The following OSBPL6 variants were observed in gnomAD, a reference collection of about 807,000 sequenced individuals.
OSBPL6 encodes oxysterol binding protein like 6.
OSBPL6 carries 49 observed loss-of-function variants against 125.8 expected under a neutral mutation model. That is an observed-to-expected ratio of 0.39 (90% CI 0.31 to 0.49). OSBPL6 has a LOEUF of 0.49. Ranked by LOEUF, OSBPL6 falls within the 20% of genes least tolerant of loss-of-function variation. The probability of loss-of-function intolerance (pLI) is 0.88; values close to 1 mark genes in which losing one functional copy is unlikely to be tolerated. For synonymous variants in OSBPL6, 394 were observed against 391.8 expected (o/e 1.01, Z -0.07); for missense variants, 986 against 1,135.4 (o/e 0.87, Z 1.89).
intron 9 of OSBPL6, 84 bp downstream of exon 9, chr2:178,336,517 A>G (rs1689698997): frequency 2.0e-6 from 3 of 1,482,218 alleles, no homozygotes; most frequent in East Asian, 2.3e-5. Flanking sequence ...TGAGTGCTAC[A>G]TCTTTTACCC....
At chr2:178,291,019 A>G (rs1685206056) in intron 2 of OSBPL6, among the ~76,000 whole-genome samples, 1 of 152,146 alleles carries the variant, frequency 6.6e-6, no homozygotes, top group Admixed American at 6.5e-5. Flanking sequence ...AATAGTTTCA[A>G]ATTAATAATT....
chr2:178,281,427 G>A (rs534636302), intron 1 of OSBPL6, among the ~76,000 whole-genome samples: 8 of 152,214 alleles, frequency 5.3e-5, no homozygotes, highest in African/African-American at 1.9e-4. Flanking sequence ...TCTTTAATCT[G>A]CCTTGAGTTA....
chr2:178,314,349 TC>T (rs1475475883), intron 3 of OSBPL6, among the ~76,000 whole-genome samples: 1 of 152,232 alleles, frequency 6.6e-6, no homozygotes, highest in Non-Finnish European at 1.5e-5. Flanking sequence ...TGTGTAGAAT[TC>T]CACTGGACCC....
At chr2:178,224,018 C>A (rs1014295862) in intron 1 of OSBPL6, among the ~76,000 whole-genome samples, 1 of 152,186 alleles carries the variant, frequency 6.6e-6, no homozygotes, top group African/African-American at 2.4e-5. Flanking sequence ...TAATCAAATG[C>A]CCCAAGGATA....
chr2:178,271,512 C>G (rs1479539156), intron 1 of OSBPL6, among the ~76,000 whole-genome samples: 1 of 152,102 alleles, frequency 6.6e-6, no homozygotes, highest in Non-Finnish European at 1.5e-5. Flanking sequence ...AAGAGAAATT[C>G]AGCCAGGGTT....
At position 178,285,067 on chromosome 2, in the gene OSBPL6, T is replaced by C. The variant is rs1684569868; in HGVS notation, c.-210T>C. 2.5e-6 allele frequency: 1 copy of C among 398,494 alleles called. No individual in the cohort carries two copies. The highest frequency in any genetic ancestry group is 4.4e-6 in the Non-Finnish European group (1 of 225,980). The allele number at this position is 398,494 out of a possible 1,614,324, so 24.7% of individuals were successfully genotyped here. A position where few individuals can be genotyped will look rare whatever the true frequency, so the allele number is the denominator to read the frequency against. On this transcript the variant is annotated 5_prime_UTR_variant, in exon 2 of 25. It removes the in-frame stop codon of an upstream open reading frame in the 5' UTR. Transcript: ENST00000190611. The stretch of plus-strand genomic sequence containing the variant: ...GCAGGCATCTGAGGATAAATCACTG[T>C]GAAACAGCTTTGACCATAAAGCTGA...
intron 1 of OSBPL6, among the ~76,000 whole-genome samples, chr2:178,264,941 A>G (rs138552116): frequency 2.6e-4 from 39 of 151,812 alleles, no homozygotes; most frequent in African/African-American, 8.9e-4. Flanking sequence ...CTAGAGTGCA[A>G]TGGTGTGGTG....
intron 1 of OSBPL6, among the ~76,000 whole-genome samples, chr2:178,199,329 TC>T: frequency 6.6e-6 from 1 of 152,310 alleles, no homozygotes; most frequent in Admixed American, 6.5e-5. Flanking sequence ...CCTCTTCTCT[TC>T]CCCCTTAAAC....
In OSBPL6 at chr2:178,367,829, G is replaced by A. The variant is rs189505896; in HGVS notation, c.1288-4297G>A. ...TGAGAATATGCATAAAACCTGCTGC[G>A]TGAAGAATCTGTGCCCAGTTCCTGG... On this transcript the variant is annotated intron_variant, in intron 13 of 24. Transcript: ENST00000190611. Among the ~76,000 whole-genome samples the A allele has an allele frequency of 1.6e-4, 25 of 152,326 alleles. 1 individual carries two copies. The highest frequency in any genetic ancestry group is 1.4e-3 in the Admixed American group (22 of 15,300).
At position 178,349,250 on chromosome 2, in the gene OSBPL6, A is replaced by G; in HGVS notation, c.1014A>G (p.Pro338=). The G allele has an allele frequency of 2.4e-5, 38 of 1,614,162 alleles. No homozygotes were observed. The highest frequency in any genetic ancestry group is 3.2e-5 in the Non-Finnish European group (38 of 1,180,004). ...TTCCTTTCAGTGCTACCATGTCACC[A>G]GTTCGCTTGCATTCCTCCAACCCCA... The part of the protein sequence containing the change: ...LQVPFSATMS[P]VRLHSSNPNL... The change falls in exon 12 of 25, where the codon CCA becomes CCG. Residue 338 remains proline, a synonymous_variant. Coordinates refer to ENST00000190611, the MANE Select transcript of OSBPL6 (RefSeq NM_032523.4).
At chr2:178,384,877 T>TA (rs56391259) in intron 18 of OSBPL6, among the ~76,000 whole-genome samples, 3,402 of 143,998 alleles carry the variant, frequency 0.024, 96 homozygotes, top group African/African-American at 0.073. Context: ...GTAGCCTTTT[T>TA]AAAAAAAAAA....
chr2:178,232,336 G>A (rs181390058), intron 1 of OSBPL6, among the ~76,000 whole-genome samples: 49 of 152,036 alleles, frequency 3.2e-4, no homozygotes, highest in African/African-American at 1.2e-3. Flanking sequence ...TTGACTTCCA[G>A]GAAGTAAACA....
chr2:178,247,119 T>G (rs2091523524), intron 1 of OSBPL6, among the ~76,000 whole-genome samples: 1 of 151,976 alleles, frequency 6.6e-6, no homozygotes, highest in Non-Finnish European at 1.5e-5. Context: ...TCTTCTGTAT[T>G]CCTTATTAAA....
chr2:178,243,044 A>G (rs1320444697), intron 1 of OSBPL6, among the ~76,000 whole-genome samples: 3 of 152,078 alleles, frequency 2.0e-5, no homozygotes, highest in Non-Finnish European at 4.4e-5. Context: ...AATATAAACA[A>G]CTTGTATGTA....
chr2:178,374,331 C>G (rs1272672351), intron 15 of OSBPL6, among the ~76,000 whole-genome samples: 1 of 152,070 alleles, frequency 6.6e-6, no homozygotes, highest in Non-Finnish European at 1.5e-5. Context: ...TATGACAGAG[C>G]TGTTTATAGA....
intron 15 of OSBPL6, among the ~76,000 whole-genome samples, chr2:178,376,025 G>A (rs1345052999): frequency 2.6e-5 from 4 of 152,116 alleles, no homozygotes; most frequent in East Asian, 1.9e-4. Context: ...GGGCAGGGTC[G>A]CAGGGAGATG....
intron 1 of OSBPL6, among the ~76,000 whole-genome samples, chr2:178,264,248 T>A (rs1349131226): frequency 6.6e-6 from 1 of 152,220 alleles, no homozygotes; most frequent in African/African-American, 2.4e-5. Context: ...CTCATATAAA[T>A]GTCCAAACTG....
chr2:178,227,896 T>C (rs1412709570), intron 1 of OSBPL6, among the ~76,000 whole-genome samples: 3 of 152,194 alleles, frequency 2.0e-5, no homozygotes, highest in African/African-American at 7.2e-5. Flanking sequence ...TAAGTTATTA[T>C]CAACGTTTAA....
chr2:178,260,407 A>G (rs530897435), intron 1 of OSBPL6, among the ~76,000 whole-genome samples: 2 of 147,184 alleles, frequency 1.4e-5, no homozygotes, highest in African/African-American at 2.7e-5. Flanking sequence ...ATGTATATGT[A>G]TATGTGTATG....
Sources: gnomAD v4.1 joint callset for allele counts (sites outside exome capture counted in the v4.1 genomes callset) on GRCh38, gnomAD v4.1.1 for gene constraint, MANE v1.5 for transcripts, NCBI Gene and HGNC (gene_info 2026-07-23, HGNC 2026-07-21) for gene names.